Variants in CERT1 observed in about 807,000 individuals in gnomAD.
CERT1 encodes the protein ceramide transfer protein.
A neutral mutation model predicts 87.9 loss-of-function variants in CERT1; 31 were observed. That is an observed-to-expected ratio of 0.35 (90% CI 0.27 to 0.48). The LOEUF (loss-of-function observed/expected upper bound fraction) is 0.48, where lower values mean the gene tolerates loss of function less well. CERT1 is among the 20% of genes least tolerant of loss of function. The probability of loss-of-function intolerance (pLI) is 0.99; values close to 1 mark genes in which losing one functional copy is unlikely to be tolerated. For synonymous variants in CERT1, 289 were observed against 250.9 expected (o/e 1.15, Z -1.44); for missense variants, 487 against 758.0 (o/e 0.64, Z 4.20).
At position 75,379,114 on chromosome 5, in the gene CERT1, T is replaced by C. The variant is rs148512874; in HGVS notation, c.*232A>G. ...GAGAGGATTGTTTGAGGCCAGAGGT[T>C]GAGGTTGCAGTGAGCCGTGATGGTG... On this transcript the variant is annotated 3_prime_UTR_variant, in exon 17 of 17. Transcript: ENST00000643780. 1.8e-3 allele frequency: 733 copies of C among 404,002 alleles called. 5 individuals are homozygous for C. In the East Asian group the frequency reaches 0.02, roughly 11 times the overall value. The allele number at this position is 404,002 out of a possible 1,614,324, so 25.0% of individuals were successfully genotyped here.
At chr5:75,494,177 T>C (rs1291447429) in intron 2 of CERT1, among the ~76,000 whole-genome samples, 1 of 152,206 alleles carries the variant, frequency 6.6e-6, no homozygotes, top group African/African-American at 2.4e-5. Flanking sequence ...GTAGGGAATC[T>C]TCTGACTCGA....
At chr5:75,492,119 G>A (rs1766823616) in intron 2 of CERT1, among the ~76,000 whole-genome samples, 1 of 152,130 alleles carries the variant, frequency 6.6e-6, no homozygotes, top group South Asian at 2.1e-4. Context: ...CAAGGCTGGA[G>A]GACTGCTTGA....
In CERT1 at chr5:75,408,926, CT is replaced by C. The variant is rs1178961477; in HGVS notation, c.930+2084del. Among the ~76,000 whole-genome samples the C allele has an allele frequency of 2.0e-5, 3 of 151,300 alleles. No homozygotes were observed. In the East Asian group the frequency reaches 5.8e-4, roughly 29 times the overall value. The stretch of plus-strand genomic sequence containing the variant: ...TTCCCTCCACCCCTGTCCTCTACCC[CT>C]AGGAAAAAAAAAACAAAACCTGTGT... On this transcript the variant is annotated intron_variant, in intron 8 of 16. Coordinates refer to ENST00000643780, the MANE Select transcript of CERT1 (RefSeq NM_001379029.1).
upstream of CERT1, chr5:75,511,920 T>G (rs1445429521): frequency 8.3e-7 from 1 of 1,202,546 alleles, no homozygotes; most frequent in Non-Finnish European, 1.2e-6. Context: ...AACGGGTGAG[T>G]ATCCCGCGCG....
At chr5:75,489,339 A>AAAGGCTTC (rs1458161974) in intron 2 of CERT1, among the ~76,000 whole-genome samples, 4 of 152,258 alleles carry the variant, frequency 2.6e-5, no homozygotes, top group Non-Finnish European at 5.9e-5. Flanking sequence ...AGGCATTGGC[A>AAAGGCTTC]AAGGCTTCAT....
intron 3 of CERT1, among the ~76,000 whole-genome samples, chr5:75,426,977 T>C (rs774163581): frequency 1.7e-4 from 26 of 152,224 alleles, no homozygotes; most frequent in African/African-American, 6.3e-4. Flanking sequence ...AATTACAGCA[T>C]TTACCATTCA....
chr5:75,442,331 C>T (rs1175974123), intron 3 of CERT1, among the ~76,000 whole-genome samples: 2 of 152,204 alleles, frequency 1.3e-5, no homozygotes, highest in Admixed American at 6.5e-5. Context: ...AAGCAATACT[C>T]ACAGCTCAGC....
Position 75,478,495 on chromosome 5 carries a change from C to A in CERT1, c.232-19314G>T, listed in dbSNP as rs1356107156. On this transcript the variant is annotated intron_variant, in intron 2 of 16. Transcript: ENST00000643780. Reference sequence around the variant, plus strand: ...ATGCAATCTTATTTGTGTCAAAGAACCACAGAAAGAATAAAAAGAATGAGA... The same window carrying A: ...ATGCAATCTTATTTGTGTCAAAGAAACACAGAAAGAATAAAAAGAATGAGA... Among the ~76,000 whole-genome samples, 3 of 151,984 alleles carry A rather than the reference C, an allele frequency of 2.0e-5. No individual in the cohort carries two copies. The East Asian group carries it at 5.8e-4, about 29-fold the overall frequency.
At chr5:75,499,350 C>G (rs1380345167) in intron 2 of CERT1, among the ~76,000 whole-genome samples, 1 of 152,154 alleles carries the variant, frequency 6.6e-6, no homozygotes, top group Non-Finnish European at 1.5e-5. Flanking sequence ...CCACCCAAAT[C>G]TCATCTTGAA....
intron 5 of CERT1, among the ~76,000 whole-genome samples, chr5:75,422,518 G>A (rs1763425552): frequency 6.6e-6 from 1 of 152,180 alleles, no homozygotes; most frequent in Admixed American, 6.5e-5. Flanking sequence ...TGGGAAGGCT[G>A]AGGTGGGAGG....
chr5:75,489,795 A>T (rs1263016707), intron 2 of CERT1, among the ~76,000 whole-genome samples: 2 of 152,222 alleles, frequency 1.3e-5, no homozygotes, highest in Non-Finnish European at 2.9e-5. Flanking sequence ...TGGGAGTGTA[A>T]ATTAGTTCAA....
At position 75,445,866 on chromosome 5, in the gene CERT1, GGC is replaced by G. The variant is rs546393901; in HGVS notation, c.348+13197_348+13198del. ...TTGAATACATTGGCCCATACCTTCT[GGC>G]TTCTAAAGTTTCTGACAAGAAATCT... On this transcript the variant is annotated intron_variant, in intron 3 of 16. Coordinates refer to ENST00000643780, the MANE Select transcript of CERT1 (RefSeq NM_001379029.1). 2.0e-4 allele frequency among the ~76,000 whole-genome samples: 30 copies of G among 152,162 alleles called. No individual in the cohort carries two copies. The South Asian group carries it at 6.0e-3, about 31-fold the overall frequency.
intron 2 of CERT1, among the ~76,000 whole-genome samples, chr5:75,480,101 C>T (rs1455940708): frequency 2.6e-5 from 4 of 152,122 alleles, no homozygotes; most frequent in Non-Finnish European, 5.9e-5. Context: ...TAGACAACCC[C>T]TTGGCCCTTT....
intron 2 of CERT1, among the ~76,000 whole-genome samples, chr5:75,473,526 T>C (rs528201384): frequency 6.6e-6 from 1 of 152,142 alleles, no homozygotes; most frequent in South Asian, 2.1e-4. Flanking sequence ...AAAAAGTTGA[T>C]CTCATGGAAA....
downstream of CERT1, chr5:75,374,629 C>T (rs10515197): frequency 0.15 from 101,845 of 660,212 alleles, 8,532 homozygotes; most frequent in Admixed American, 0.23. Flanking sequence ...ATTTCCGAAG[C>T]GAGTGTCTTT....
intron 8 of CERT1, among the ~76,000 whole-genome samples, chr5:75,403,562 G>C (rs947668153): frequency 1.3e-5 from 2 of 152,240 alleles, no homozygotes; most frequent in African/African-American, 4.8e-5. Flanking sequence ...AGAGACAACA[G>C]AGATATAAAA....
At chr5:75,413,450 C>A (rs969349455) in intron 7 of CERT1, among the ~76,000 whole-genome samples, 1 of 152,156 alleles carries the variant, frequency 6.6e-6, no homozygotes, top group African/African-American at 2.4e-5. Context: ...TACAGATCCA[C>A]CAGAATGACT....
At chr5:75,430,802 C>T (rs949912301) in intron 3 of CERT1, among the ~76,000 whole-genome samples, 2 of 152,004 alleles carry the variant, frequency 1.3e-5, no homozygotes, top group Non-Finnish European at 2.9e-5. Context: ...CTCTGGAGGC[C>T]AAGGCAGGAG....
At chr5:75,492,258 C>T (rs1766834109) in intron 2 of CERT1, among the ~76,000 whole-genome samples, 1 of 152,026 alleles carries the variant, frequency 6.6e-6, no homozygotes, top group African/African-American at 2.4e-5. Flanking sequence ...CCAGCTACTA[C>T]GGAGGCTGAG....
Sources: allele counts gnomAD v4.1 joint callset (sites outside exome capture counted in the v4.1 genomes callset), GRCh38; gene constraint gnomAD v4.1.1; transcripts MANE v1.5; gene names NCBI Gene and HGNC (gene_info 2026-07-23, HGNC 2026-07-21).